The following SEMA6D variants were observed in gnomAD, a reference collection of about 807,000 sequenced individuals.
SEMA6D encodes semaphorin 6D.
SEMA6D carries 35 observed loss-of-function variants against 106.6 expected under a neutral mutation model. That is an observed-to-expected ratio of 0.33 (90% CI 0.25 to 0.44). The LOEUF is 0.44. SEMA6D is among the 20% of genes least tolerant of loss of function. The probability of loss-of-function intolerance (pLI) is 1.00; values close to 1 mark genes in which losing one functional copy is unlikely to be tolerated. For synonymous variants in SEMA6D, 499 were observed against 487.7 expected (o/e 1.02, Z -0.31); for missense variants, 1,185 against 1,345.9 (o/e 0.88, Z 1.87).
chr15:47,462,614 A>G (rs2042547881), intron 2 of SEMA6D, among the ~76,000 whole-genome samples: 2 of 152,154 alleles, frequency 1.3e-5, no homozygotes, highest in African/African-American at 4.8e-5. Context: ...AGTTAAAACT[A>G]CTAGGTTCTT....
chr15:47,357,258 T>C (rs2010205), intron 1 of SEMA6D, among the ~76,000 whole-genome samples: 96,233 of 151,842 alleles, frequency 0.63, 31,570 homozygotes, highest in Non-Finnish European at 0.72. Context: ...GGCATGAACC[T>C]GGGGGGCGGA....
chr15:47,767,802 T>G (rs1347332639), intron 17 of SEMA6D, among the ~76,000 whole-genome samples: 1 of 152,244 alleles, frequency 6.6e-6, no homozygotes, highest in African/African-American at 2.4e-5. Context: ...GCTAAAAGGT[T>G]AAGTTAACTC....
At chr15:47,300,591 G>A (rs1006855369) in intron 1 of SEMA6D, among the ~76,000 whole-genome samples, 3 of 152,110 alleles carry the variant, frequency 2.0e-5, no homozygotes, top group Non-Finnish European at 4.4e-5. Flanking sequence ...AGACAGATTT[G>A]ACATTTTAAA....
chr15:47,193,064 G>A (rs562738496), intron 1 of SEMA6D, among the ~76,000 whole-genome samples: 7 of 152,054 alleles, frequency 4.6e-5, no homozygotes, highest in Admixed American at 1.3e-4. Flanking sequence ...TTCCTCTCAC[G>A]CTTGCCCTTG....
At chr15:47,722,793 A>G (rs912828349) in intron 1 of SEMA6D, among the ~76,000 whole-genome samples, 2 of 152,208 alleles carry the variant, frequency 1.3e-5, no homozygotes, top group African/African-American at 2.4e-5. Flanking sequence ...CAGCAACCAC[A>G]ATACTTAACA....
At chr15:47,354,520 TTA>T (rs58476338) in intron 1 of SEMA6D, among the ~76,000 whole-genome samples, 1 of 148,062 alleles carries the variant, frequency 6.8e-6, no homozygotes, top group African/African-American at 2.5e-5. Context: ...TGGATATTAT[TTA>T]TATATATATA....
chr15:47,602,503 G>A (rs752622441), intron 4 of SEMA6D, among the ~76,000 whole-genome samples: 1 of 151,826 alleles, frequency 6.6e-6, no homozygotes, highest in South Asian at 2.1e-4. Flanking sequence ...TGGGAGGGGG[G>A]CTTGTGGGGA....
chr15:47,521,047 G>T (rs918045430), intron 3 of SEMA6D, among the ~76,000 whole-genome samples: 2 of 152,228 alleles, frequency 1.3e-5, no homozygotes, highest in Non-Finnish European at 2.9e-5. Context: ...AACCAAAGTA[G>T]AACTGCCTCC....
chr15:47,469,983 A>T (rs73388923), intron 2 of SEMA6D, among the ~76,000 whole-genome samples: 6,749 of 152,086 alleles, frequency 0.044, 404 homozygotes, highest in African/African-American at 0.14. Flanking sequence ...TGTCCTGCAG[A>T]TGGTAAATAG....
At chr15:47,343,229 AC>A (rs2037892161) in intron 1 of SEMA6D, among the ~76,000 whole-genome samples, 1 of 126,636 alleles carries the variant, frequency 7.9e-6, no homozygotes, top group East Asian at 2.1e-4. Flanking sequence ...TTTTAAAAAA[AC>A]GATGGATTAG....
At chr15:47,759,665 G>A in intron 1 of SEMA6D, 80 bp from the exon 2 acceptor site, 1 of 668,740 alleles carries the variant, frequency 1.5e-6, no homozygotes, top group East Asian at 2.6e-5. Flanking sequence ...GGAGCTGATG[G>A]TGAAAACTGA....
intron 1 of SEMA6D, among the ~76,000 whole-genome samples, chr15:47,273,833 C>G (rs2034675326): frequency 6.6e-6 from 1 of 152,144 alleles, no homozygotes; most frequent in African/African-American, 2.4e-5. Flanking sequence ...TCATAAAGTA[C>G]AACTTTATTT....
At chr15:47,277,446 C>A (rs1036777318) in intron 1 of SEMA6D, among the ~76,000 whole-genome samples, 1 of 151,854 alleles carries the variant, frequency 6.6e-6, no homozygotes, top group Admixed American at 6.6e-5. Context: ...AAATCATCAC[C>A]CTGATCATCA....
chr15:47,314,020 GTC>G (rs2036542869), intron 1 of SEMA6D, among the ~76,000 whole-genome samples: 1 of 152,210 alleles, frequency 6.6e-6, no homozygotes, highest in South Asian at 2.1e-4. Flanking sequence ...CTGTCAAACT[GTC>G]TTTCAAAGTG....
rs1336462790 is a variant in SEMA6D at position 47,621,394 on chromosome 15, A to T, written c.-55+20498A>T. On this transcript the variant is annotated intron_variant, in intron 4 of 19. Coordinates refer to the SEMA6D transcript ENST00000558014. ...CCCCCAGGACAGATTTTTTTTTTTA[A>T]TTTTAGTTGAATTAGCTAAATACAT... is the stretch of plus-strand genomic sequence containing the variant. Among the ~76,000 whole-genome samples the T allele has an allele frequency of 2.6e-5, 4 of 151,862 alleles. No homozygotes were observed. In the East Asian group the frequency reaches 5.8e-4, roughly 22 times the overall value.
intron 1 of SEMA6D, among the ~76,000 whole-genome samples, chr15:47,739,979 T>A (rs2080703949): frequency 6.6e-6 from 1 of 152,234 alleles, no homozygotes; most frequent in African/African-American, 2.4e-5. Flanking sequence ...TCCAATTATT[T>A]TCTACTTTTA....
chr15:47,219,987 G>T (rs890229337), intron 1 of SEMA6D, among the ~76,000 whole-genome samples: 12 of 152,148 alleles, frequency 7.9e-5, no homozygotes, highest in Middle Eastern at 3.2e-3. Flanking sequence ...CCTGCAGCAG[G>T]TTCACACAGG....
At chr15:47,348,727 C>CAGAGAGAGAGAGAG (rs55719976) in intron 1 of SEMA6D, among the ~76,000 whole-genome samples, 1,374 of 56,930 alleles carry the variant, frequency 0.024, 116 homozygotes, top group East Asian at 0.061. Context: ...ACCACACACA[C>CAGAGAGAGAGAGAG]AGAGAGAGAG....
chr15:47,581,521 C>A (rs1439027541), intron 3 of SEMA6D, among the ~76,000 whole-genome samples: 1 of 152,138 alleles, frequency 6.6e-6, no homozygotes, highest in Non-Finnish European at 1.5e-5. Context: ...TGAACTGACA[C>A]CTGAATAACA....
Sources: allele counts gnomAD v4.1 joint callset (sites outside exome capture counted in the v4.1 genomes callset), GRCh38; gene constraint gnomAD v4.1.1; transcripts MANE v1.5; gene names NCBI Gene and HGNC (gene_info 2026-07-23, HGNC 2026-07-21).